Variants in OPHN1 observed in about 807,000 individuals in gnomAD.
The protein encoded by OPHN1 is oligophrenin-1.
In OPHN1, 11 loss-of-function variants were observed where a neutral mutation model predicts 60.7. The ratio of observed to expected loss-of-function variants is 0.18; its 90% CI spans 0.11 to 0.30. The LOEUF is 0.30. Ranked by LOEUF, OPHN1 falls within the 10% of genes least tolerant of loss-of-function variation. The pLI, the probability that OPHN1 is intolerant of heterozygous loss-of-function variation, is 1.00. For synonymous variants in OPHN1, 226 were observed against 222.6 expected, an observed-to-expected ratio of 1.02 and a Z score of -0.14; for missense variants, 449 against 611.0, an observed-to-expected ratio of 0.73 and a Z score of 2.80.
At chrX:68,151,612 G>T (rs1210719774) in intron 15 of OPHN1, among the ~76,000 whole-genome samples, 1 of 111,573 alleles carries the variant, frequency 9.0e-6, no homozygotes, top group Non-Finnish European at 1.9e-5. Context: ...TCACACAACA[G>T]GTAAGACTGG....
chrX:68,256,857 C>T lies in OPHN1; in HGVS notation c.384+17881G>A, dbSNP rs182402479. Among the ~76,000 whole-genome samples, 793 of 110,042 alleles carry T rather than the reference C, an allele frequency of 7.2e-3. 10 individuals are homozygous for T. The highest frequency in any genetic ancestry group is 0.025 in the African/African-American group (749 of 30,242). On this transcript the variant is annotated intron_variant, in intron 5 of 24. Coordinates refer to ENST00000355520, the MANE Select transcript of OPHN1 (RefSeq NM_002547.3). ...GACCAGCCTGGCCAACATGGTGAAA[C>T]CCCGTCTCTACTAAAATTACAAAAA...
At chrX:68,406,391 C>T (rs757741885) in intron 2 of OPHN1, among the ~76,000 whole-genome samples, 7 of 110,808 alleles carry the variant, frequency 6.3e-5, no homozygotes, top group South Asian at 7.8e-4. Flanking sequence ...GTGGGCAGAT[C>T]GCCTGAGGTC....
chrX:68,365,955 G>C (rs1325086355), intron 2 of OPHN1, among the ~76,000 whole-genome samples: 1 of 105,544 alleles, frequency 9.5e-6, no homozygotes, highest in African/African-American at 3.5e-5. Flanking sequence ...AACTTACCCA[G>C]CTAGACTTCA....
At chrX:68,326,964 C>A (rs2078264786) in intron 2 of OPHN1, among the ~76,000 whole-genome samples, 1 of 31,365 alleles carries the variant, frequency 3.2e-5, no homozygotes, top group Non-Finnish European at 4.5e-5. Flanking sequence ...GCGCCTCTGC[C>A]CGGCCGCCCC....
chrX:68,209,329 TG>T (rs2077573751), intron 9 of OPHN1, among the ~76,000 whole-genome samples: 1 of 112,226 alleles, frequency 8.9e-6, no homozygotes, highest in Non-Finnish European at 1.9e-5. Context: ...TCTTTCCCAC[TG>T]GAATCATGAT....
intron 2 of OPHN1, among the ~76,000 whole-genome samples, chrX:68,381,449 T>C (rs940452143): frequency 2.7e-5 from 3 of 111,972 alleles, no homozygotes. Context: ...TAAACATTCA[T>C]TTAACAAACT....
intron 4 of OPHN1, among the ~76,000 whole-genome samples, chrX:68,279,149 T>C: frequency 1.3e-5 from 1 of 78,495 alleles, no homozygotes; most frequent in Non-Finnish European, 2.3e-5. Context: ...AGGGCCTTAC[T>C]CGCCCAGGCT....
At chrX:68,273,147 A>G (rs909243769) in intron 5 of OPHN1, among the ~76,000 whole-genome samples, 49 of 111,882 alleles carry the variant, frequency 4.4e-4, no homozygotes, top group African/African-American at 1.6e-3. Flanking sequence ...ATGGTGGCTC[A>G]TGCCTGTAAT....
intron 3 of OPHN1, among the ~76,000 whole-genome samples, chrX:68,290,359 G>A (rs1346699924): frequency 9.0e-6 from 1 of 111,154 alleles, no homozygotes; most frequent in Non-Finnish European, 1.9e-5. Context: ...AACACTTTGG[G>A]AGGCCGAGGC....
chrX:68,304,216 AT>A (rs769234799), intron 2 of OPHN1, among the ~76,000 whole-genome samples: 1 of 111,608 alleles, frequency 9.0e-6, no homozygotes, highest in East Asian at 2.8e-4. Flanking sequence ...TCAAATAAAA[AT>A]GTTTATCAAT....
intron 2 of OPHN1, among the ~76,000 whole-genome samples, chrX:68,404,546 T>C (rs1230498481): frequency 9.0e-6 from 1 of 111,555 alleles, no homozygotes; most frequent in Non-Finnish European, 1.9e-5. Context: ...CTCAAAGGTG[T>C]ATTTGCACAC....
chrX:68,062,905 G>A (rs2076898291), intron 21 of OPHN1, among the ~76,000 whole-genome samples: 1 of 111,825 alleles, frequency 8.9e-6, no homozygotes, highest in African/African-American at 3.3e-5. Flanking sequence ...TAAATTTGCT[G>A]AAGTCAGCCA....
chrX:68,422,396 G>A (rs1347848034), intron 2 of OPHN1, among the ~76,000 whole-genome samples: 2 of 107,788 alleles, frequency 1.9e-5, no homozygotes, highest in East Asian at 2.9e-4. Context: ...GGTGGCACGT[G>A]CCTGTGGTCC....
Position 68,108,943 on chromosome X carries a change from C to T in OPHN1, c.1526+2911G>A, listed in dbSNP as rs189760060. ...TCTTACCCCTATCACCTCCACCCTA[C>T]TTACCACACCTATCCAGTATAATAA... On this transcript the variant is annotated intron_variant, in intron 18 of 24. Transcript: ENST00000355520. 3.3e-3 allele frequency among the ~76,000 whole-genome samples: 373 copies of T among 111,910 alleles called. 3 individuals are homozygous for T. The highest frequency in any genetic ancestry group is 0.012 in the African/African-American group (363 of 30,894).
chrX:68,404,939 A>G (rs918348627), intron 2 of OPHN1, among the ~76,000 whole-genome samples: 11 of 111,498 alleles, frequency 9.9e-5, no homozygotes, highest in Non-Finnish European at 1.7e-4. Context: ...ATTAGCATTT[A>G]GTGGGTATAG....
intron 15 of OPHN1, among the ~76,000 whole-genome samples, chrX:68,163,460 A>G (rs55848039): frequency 0.03 from 1,656 of 55,353 alleles, 22 homozygotes; most frequent in African/African-American, 0.12. Flanking sequence ...GTGTGTGTGT[A>G]TATATACCAC....
At chrX:68,100,601 A>G (rs2077054276) in intron 18 of OPHN1, among the ~76,000 whole-genome samples, 2 of 111,083 alleles carry the variant, frequency 1.8e-5, no homozygotes, top group Admixed American at 9.6e-5. Flanking sequence ...TGTTTCTTCT[A>G]TTTTCATATA....
At chrX:68,201,797 G>A in intron 10 of OPHN1, 87 bp from the exon 11 acceptor site, 1 of 759,746 alleles carries the variant, frequency 1.3e-6, no homozygotes, top group Admixed American at 2.2e-5. Context: ...AGTGTCACTT[G>A]GAAGGCGTCT....
intron 11 of OPHN1, among the ~76,000 whole-genome samples, chrX:68,198,148 T>C (rs1050715371): frequency 7.2e-5 from 8 of 111,871 alleles, no homozygotes; most frequent in African/African-American, 2.6e-4. Context: ...AGGTTGAAAG[T>C]TAACTACCAA....
Sources: allele counts gnomAD v4.1 joint callset (sites outside exome capture counted in the v4.1 genomes callset), GRCh38; gene constraint gnomAD v4.1.1; transcripts MANE v1.5; gene names NCBI Gene and HGNC (gene_info 2026-07-23, HGNC 2026-07-21).